HFM1: variants seen among roughly 807,000 people sequenced by gnomAD.
The protein encoded by HFM1 is helicase for meiosis 1.
Under a neutral mutation model 192.1 loss-of-function variants are expected in HFM1, and 169 were observed. The ratio of observed to expected loss-of-function variants is 0.88; its 90% CI spans 0.78 to 1.00. The LOEUF (loss-of-function observed/expected upper bound fraction) is 1.00, where lower values mean the gene tolerates loss of function less well. Ranked by LOEUF, HFM1 falls within the 50% of genes least tolerant of loss-of-function variation. HFM1 has a pLI of 0.00. For synonymous variants in HFM1, 525 were observed against 537.8 expected (o/e 0.98, Z 0.33); for missense variants, 1,661 against 1,668.0 (o/e 1.00, Z 0.07).
chr1:91,333,511 TA>T (rs139977746), intron 20 of HFM1, among the ~76,000 whole-genome samples: 11 of 145,740 alleles, frequency 7.5e-5, no homozygotes, highest in South Asian at 4.3e-4. Flanking sequence ...GGTACAAAAA[TA>T]AAAAAAAAAC....
At chr1:91,269,026 TAAC>T (rs1666028494) in intron 34 of HFM1, among the ~76,000 whole-genome samples, 1 of 152,096 alleles carries the variant, frequency 6.6e-6, no homozygotes, top group South Asian at 2.1e-4. Flanking sequence ...ATGGCTACAA[TAAC>T]AACACACATT....
chr1:91,299,385 C>T (rs1070744), intron 30 of HFM1, among the ~76,000 whole-genome samples: 152,076 of 152,258 alleles, frequency 1, 75,947 homozygotes, highest in Non-Finnish European at 1. Context: ...CAAGACAGAA[C>T]GTTAAAAAGG....
chr1:91,289,732 G>C (rs938865653), intron 30 of HFM1, among the ~76,000 whole-genome samples: 2 of 152,088 alleles, frequency 1.3e-5, no homozygotes, highest in Non-Finnish European at 2.9e-5. Flanking sequence ...GTGGCGGCGC[G>C]CGCCTGCATC....
chr1:91,261,299 AC>A lies in HFM1; in HGVS notation c.4298del (p.Gly1433ValfsTer12). ...AAAGTATTTGTTTGTTTTAGAAAAT[AC>A]CATCAAATATTCCCAATAAAGACTT... ...EMKSLLGIFD[G>X]IF On this transcript the variant is annotated frameshift_variant, in exon 39 of 39. Transcript: ENST00000370425. LOFTEE classifies it high-confidence loss of function. 1 of 1,351,832 alleles carries A rather than the reference AC, an allele frequency of 7.4e-7. No individual in the cohort carries two copies. The allele number at this position is 1,351,832 out of a possible 1,614,324, so 83.7% of individuals were successfully genotyped here.
chr1:91,334,385 C>T (rs1423730249), intron 20 of HFM1, among the ~76,000 whole-genome samples: 3 of 151,998 alleles, frequency 2.0e-5, no homozygotes, highest in Admixed American at 6.6e-5. Context: ...TAATGTGTTA[C>T]CTATTTTTAT....
intron 29 of HFM1, among the ~76,000 whole-genome samples, 174 bp downstream of exon 29, chr1:91,313,783 T>C (rs1650819587): frequency 6.6e-6 from 1 of 152,092 alleles, no homozygotes; most frequent in Non-Finnish European, 1.5e-5. Context: ...GTCCATGTTA[T>C]GTTTTACATA....
intron 4 of HFM1, among the ~76,000 whole-genome samples, chr1:91,391,778 G>A (rs1411722660): frequency 1.3e-5 from 2 of 152,264 alleles, no homozygotes; most frequent in East Asian, 3.9e-4. Context: ...AAGAGCTTCT[G>A]CACAGCAAAG....
At chr1:91,336,718 A>G (rs1356174432) in intron 20 of HFM1, among the ~76,000 whole-genome samples, 2 of 152,206 alleles carry the variant, frequency 1.3e-5, no homozygotes, top group Non-Finnish European at 2.9e-5. Context: ...TGACCCAGCA[A>G]TCCCATTACT....
intron 30 of HFM1, among the ~76,000 whole-genome samples, chr1:91,292,863 C>T (rs1010718719): frequency 2.0e-5 from 3 of 152,128 alleles, no homozygotes; most frequent in African/African-American, 7.2e-5. Flanking sequence ...AGATATAGAT[C>T]AATGGAACAG....
intron 2 of HFM1, among the ~76,000 whole-genome samples, chr1:91,397,113 T>A (rs1270898585): frequency 1.3e-5 from 2 of 152,226 alleles, no homozygotes; most frequent in Non-Finnish European, 2.9e-5. Context: ...AAATTCAGTG[T>A]CTGGTGCCAA....
At chr1:91,298,708 A>G (rs1303848729) in intron 30 of HFM1, among the ~76,000 whole-genome samples, 1 of 152,226 alleles carries the variant, frequency 6.6e-6, no homozygotes, top group Non-Finnish European at 1.5e-5. Context: ...GTGAAGGAGA[A>G]GTAAAATCCT....
intron 11 of HFM1, chr1:91,377,745 G>C (rs1057369834): frequency 4.8e-5 from 19 of 399,726 alleles, no homozygotes; most frequent in African/African-American, 4.0e-4. Flanking sequence ...CATATTGTTA[G>C]TGAAGTTACT....
chr1:91,279,277 A>C (rs75864448), intron 30 of HFM1, among the ~76,000 whole-genome samples: 3,357 of 152,192 alleles, frequency 0.022, 114 homozygotes, highest in African/African-American at 0.077. Flanking sequence ...CTCAGACCCA[A>C]GTGTGTTCCT....
intron 21 of HFM1, among the ~76,000 whole-genome samples, chr1:91,323,854 CCTT>C (rs1323727639): frequency 6.6e-6 from 1 of 152,074 alleles, no homozygotes; most frequent in African/African-American, 2.4e-5. Flanking sequence ...AAAATACAAA[CCTT>C]CTATTTTTCA....
chr1:91,348,996 T>C (rs11164779), intron 18 of HFM1, among the ~76,000 whole-genome samples: 30,681 of 148,250 alleles, frequency 0.21, 3,512 homozygotes, highest in Non-Finnish European at 0.27. Flanking sequence ...TTTAAAAAAA[T>C]ATGCCACAAG....
intron 30 of HFM1, among the ~76,000 whole-genome samples, chr1:91,302,035 C>A (rs1648850544): frequency 8.0e-6 from 1 of 124,542 alleles, no homozygotes; most frequent in Admixed American, 8.8e-5. Context: ...ACTCATCTGA[C>A]AAAGGGCTAA....
chr1:91,400,285 C>T (rs76113787), intron 2 of HFM1, among the ~76,000 whole-genome samples: 1,642 of 152,230 alleles, frequency 0.011, 36 homozygotes, highest in African/African-American at 0.037. Context: ...TCTTTATTCC[C>T]GCCCCTACTT....
intron 6 of HFM1, among the ~76,000 whole-genome samples, chr1:91,383,644 A>G (rs912021606): frequency 1.2e-4 from 18 of 152,182 alleles, no homozygotes; most frequent in African/African-American, 4.3e-4. Context: ...ACAGCTATGC[A>G]ATATCTGGAA....
At chr1:91,309,418 A>T (rs552238452) in intron 30 of HFM1, among the ~76,000 whole-genome samples, 12 of 152,382 alleles carry the variant, frequency 7.9e-5, no homozygotes, top group Admixed American at 3.9e-4. Context: ...AGTCCTAAAA[A>T]TATAAAATAA....
Sources: allele counts gnomAD v4.1 joint callset (sites outside exome capture counted in the v4.1 genomes callset), GRCh38; gene constraint gnomAD v4.1.1; transcripts MANE v1.5; gene names NCBI Gene and HGNC (gene_info 2026-07-23, HGNC 2026-07-21).